Variants in R3HDM1 observed in about 807,000 individuals in gnomAD.
The protein encoded by R3HDM1 is R3H domain containing 1.
A neutral mutation model predicts 141.1 loss-of-function variants in R3HDM1; 46 were observed. The ratio of observed to expected loss-of-function variants is 0.33; its 90% CI spans 0.26 to 0.42. The LOEUF is 0.42. Ranked by LOEUF, R3HDM1 falls within the 10% of genes least tolerant of loss-of-function variation. The pLI is 1.00. For missense variants in R3HDM1, 1,184 were observed against 1,368.3 expected, an observed-to-expected ratio of 0.87 and a Z score of 2.12; for synonymous variants, 435 against 472.9, an observed-to-expected ratio of 0.92 and a Z score of 1.04.
intron 1 of R3HDM1, among the ~76,000 whole-genome samples, chr2:135,541,281 A>C (rs2104895559): frequency 6.6e-6 from 1 of 152,174 alleles, no homozygotes; most frequent in South Asian, 2.1e-4. Flanking sequence ...GCTCACTGCA[A>C]GCTCCGCCTC....
chr2:135,593,046 A>G (rs191985198), intron 1 of R3HDM1, among the ~76,000 whole-genome samples: 1 of 151,990 alleles, frequency 6.6e-6, no homozygotes, highest in East Asian at 1.9e-4. Flanking sequence ...CAGCCTTCCA[A>G]ATAGCTGGGA....
chr2:135,576,379 T>C (rs1000853268), intron 1 of R3HDM1, among the ~76,000 whole-genome samples: 1 of 150,264 alleles, frequency 6.7e-6, no homozygotes, highest in Non-Finnish European at 1.5e-5. Flanking sequence ...AAAAAAAAAA[T>C]AAAAAAAAGT....
intron 19 of R3HDM1, among the ~76,000 whole-genome samples, chr2:135,673,994 G>C (rs888562570): frequency 5.3e-5 from 8 of 152,080 alleles, no homozygotes; most frequent in African/African-American, 1.9e-4. Context: ...AAACTCCTGA[G>C]CTTACCCACT....
At chr2:135,675,218 A>G in intron 19 of R3HDM1, 114 bp from the exon 20 acceptor site, 1 of 1,107,644 alleles carries the variant, frequency 9.0e-7, no homozygotes, top group East Asian at 2.6e-5. Flanking sequence ...GGGGCTTACC[A>G]TTTAATCAAA....
At chr2:135,569,718 C>CTTTTTTTTTTTTTTTT (rs139858819) in intron 1 of R3HDM1, among the ~76,000 whole-genome samples, 9 of 129,362 alleles carry the variant, frequency 7.0e-5, no homozygotes, top group South Asian at 2.5e-4. Context: ...ATAGTAAGCT[C>CTTTTTTTTTTTTTTTT]TTTTTTTTTT....
At chr2:135,719,192 A>G (rs538380273) in intron 24 of R3HDM1, among the ~76,000 whole-genome samples, 1 of 151,902 alleles carries the variant, frequency 6.6e-6, no homozygotes. Context: ...TAGAAATTGC[A>G]TATTTTAAAA....
intron 18 of R3HDM1, among the ~76,000 whole-genome samples, chr2:135,655,465 GTTCTTT>G (rs925473175): frequency 5.9e-5 from 9 of 151,818 alleles, no homozygotes; most frequent in African/African-American, 1.5e-4. Context: ...CTCCTACTCT[GTTCTTT>G]TTCTTTTTCT....
chr2:135,566,888 C>T, intron 1 of R3HDM1: 1 of 461,676 alleles, frequency 2.2e-6, no homozygotes, highest in Non-Finnish European at 2.8e-6. Flanking sequence ...AGAAGAATCA[C>T]TTGAACTTGG....
chr2:135,681,646 C>G (rs1288510767), intron 21 of R3HDM1, among the ~76,000 whole-genome samples: 1 of 152,094 alleles, frequency 6.6e-6, no homozygotes, highest in Non-Finnish European at 1.5e-5. Context: ...CAGAAAATGG[C>G]GTTAGCATGA....
Position 135,651,778 on chromosome 2 carries a change from C to T in R3HDM1, c.1774C>T (p.Pro592Ser), listed in dbSNP as rs370963888. Residue 592 changes from proline (P) to serine (S), a missense_variant, in exon 18 of 27, where the codon CCA (proline) becomes TCA (serine). Pro to Ser is a moderately conservative substitution (Grantham distance 74). Transcript: ENST00000683871. Reference protein sequence around the residue: ...QFSHMSLARQPSADGSDPHAA... With the variant: ...QFSHMSLARQSSADGSDPHAA... ...TAGCCACATGAGTCTTGCTCGCCAGCCATCTGCTGATGGTTCTGACCCTCA... is the reference window on the plus strand; with the variant it reads ...TAGCCACATGAGTCTTGCTCGCCAGTCATCTGCTGATGGTTCTGACCCTCA... 20 of 1,613,810 alleles carry T rather than the reference C, an allele frequency of 1.2e-5. No individual in the cohort carries two copies. Among genetic ancestry groups the T allele is most frequent in the Non-Finnish European group, 5.9e-6 (7 of 1,179,902 alleles).
chr2:135,695,866 C>T (rs1474847130), intron 21 of R3HDM1, among the ~76,000 whole-genome samples: 2 of 152,116 alleles, frequency 1.3e-5, no homozygotes, highest in East Asian at 1.9e-4. Flanking sequence ...GAAAATGATA[C>T]CAATGGAAAT....
chr2:135,547,390 A>C (rs778426425), intron 1 of R3HDM1, among the ~76,000 whole-genome samples: 1 of 152,110 alleles, frequency 6.6e-6, no homozygotes, highest in Non-Finnish European at 1.5e-5. Context: ...GAATTTTTTT[A>C]ATGCTTCCAT....
chr2:135,615,015 C>T (rs905390206), intron 3 of R3HDM1, among the ~76,000 whole-genome samples: 9 of 152,078 alleles, frequency 5.9e-5, no homozygotes, highest in African/African-American at 1.9e-4. Flanking sequence ...TTCATGTGTG[C>T]GCACACATGC....
At chr2:135,535,627 C>T (rs1291125319) in intron 1 of R3HDM1, among the ~76,000 whole-genome samples, 1 of 152,070 alleles carries the variant, frequency 6.6e-6, no homozygotes, top group East Asian at 1.9e-4. Flanking sequence ...TCATCTTCCA[C>T]TTAATCCCCG....
At chr2:135,605,121 A>G in intron 3 of R3HDM1, 105 bp downstream of exon 3, 1 of 987,320 alleles carries the variant, frequency 1.0e-6, no homozygotes, top group Non-Finnish European at 1.4e-6. Flanking sequence ...GGGTAAGTTG[A>G]CCCTTCGTGA....
chr2:135,537,540 C>G (rs532721393), intron 1 of R3HDM1, among the ~76,000 whole-genome samples: 102 of 151,830 alleles, frequency 6.7e-4, no homozygotes, highest in African/African-American at 2.4e-3. Flanking sequence ...CCCACCTCAG[C>G]CTCCCAAAGT....
chr2:135,665,701 G>A (rs1376628346), intron 19 of R3HDM1, among the ~76,000 whole-genome samples: 1 of 152,108 alleles, frequency 6.6e-6, no homozygotes, highest in African/African-American at 2.4e-5. Flanking sequence ...AGTAGATTTG[G>A]ATGACAAATT....
At chr2:135,608,317 AAATAATAAT>A (rs146123639) in intron 3 of R3HDM1, among the ~76,000 whole-genome samples, 32 of 150,546 alleles carry the variant, frequency 2.1e-4, no homozygotes, top group Non-Finnish European at 8.9e-5. Context: ...CTCCATCTCA[AAATAATAAT>A]AATAATAATA....
Position 135,594,979 on chromosome 2 carries a change from C to CA in R3HDM1, c.-249-7521_-249-7520insA, listed in dbSNP as rs369315051. Among the ~76,000 whole-genome samples the CA allele has an allele frequency of 6.5e-4, 97 of 148,480 alleles. 1 individual carries two copies. The highest frequency in any genetic ancestry group is 2.0e-3 in the African/African-American group (82 of 40,606). On this transcript the variant is annotated intron_variant, in intron 1 of 26. Transcript: ENST00000683871. ...TCAGTGTTCCCTAGGGATTCTACAC[C>CA]CCCCCCCCTTTTCAATGAAGGCTTG...
Sources: gnomAD v4.1 joint callset for allele counts (sites outside exome capture counted in the v4.1 genomes callset) on GRCh38, gnomAD v4.1.1 for gene constraint, MANE v1.5 for transcripts, NCBI Gene and HGNC (gene_info 2026-07-23, HGNC 2026-07-21) for gene names.